Variants in PDE10A observed in about 807,000 individuals in gnomAD.
The protein encoded by PDE10A is phosphodiesterase 10A, also known as cAMP and cAMP-inhibited cGMP 3',5'-cyclic phosphodiesterase 10A.
In PDE10A, 39 loss-of-function variants were observed where a neutral mutation model predicts 97.7. That is an observed-to-expected ratio of 0.40 (90% CI 0.31 to 0.52). The LOEUF is 0.52. PDE10A is among the 20% of genes least tolerant of loss of function. The pLI is 0.56. For missense variants in PDE10A, 731 were observed against 1,047.8 expected (o/e 0.70, Z 4.17); for synonymous variants, 371 against 376.8 (o/e 0.98, Z 0.18).
chr6:165,777,190 G>A (rs990534378), intron 1 of PDE10A, among the ~76,000 whole-genome samples: 4 of 152,178 alleles, frequency 2.6e-5, no homozygotes, highest in African/African-American at 9.7e-5. Flanking sequence ...GAGTAGCTGG[G>A]AAGAGGAGAT....
chr6:165,371,279 A>C (rs895607335), intron 18 of PDE10A, among the ~76,000 whole-genome samples: 1 of 152,280 alleles, frequency 6.6e-6, no homozygotes, highest in African/African-American at 2.4e-5. Flanking sequence ...CAAAAAATTA[A>C]TGAATCCAGG....
intron 1 of PDE10A, among the ~76,000 whole-genome samples, chr6:165,653,872 G>A (rs528280074): frequency 1.3e-5 from 2 of 152,158 alleles, no homozygotes; most frequent in East Asian, 1.9e-4. Flanking sequence ...AGCTTTCTCC[G>A]TCCCTTCTCC....
chr6:165,568,160 G>A (rs1583557508), intron 1 of PDE10A, among the ~76,000 whole-genome samples: 1 of 151,966 alleles, frequency 6.6e-6, no homozygotes, highest in Non-Finnish European at 1.5e-5. Flanking sequence ...CACCACGCCT[G>A]GCTAATTTTT....
At chr6:165,760,071 T>C (rs1793214280) in intron 1 of PDE10A, among the ~76,000 whole-genome samples, 1 of 152,138 alleles carries the variant, frequency 6.6e-6, no homozygotes, top group South Asian at 2.1e-4. Flanking sequence ...TACAAGAAAA[T>C]GGATAGAATT....
At chr6:165,376,350 T>C (rs1452768702) in intron 18 of PDE10A, among the ~76,000 whole-genome samples, 1 of 152,196 alleles carries the variant, frequency 6.6e-6, no homozygotes, top group Non-Finnish European at 1.5e-5. Flanking sequence ...AGGTGCTTCT[T>C]ATGAATGAGC....
intron 1 of PDE10A, among the ~76,000 whole-genome samples, chr6:165,634,752 A>G (rs1049529342): frequency 2.0e-5 from 3 of 152,194 alleles, no homozygotes; most frequent in Non-Finnish European, 4.4e-5. Flanking sequence ...ACAGAAAGAA[A>G]GTAACCACTT....
Position 165,813,350 on chromosome 6 carries a change from G to A in PDE10A, c.-615+174179C>T, listed in dbSNP as rs191905051. Among the ~76,000 whole-genome samples the A allele has an allele frequency of 2.4e-3, 325 of 136,216 alleles. 2 individuals carry two copies. Among genetic ancestry groups the A allele is most frequent in the African/African-American group, 8.1e-3 (304 of 37,740 alleles). The allele number at this position is 136,216 out of a possible 152,430, so 89.4% of individuals were successfully genotyped here. On this transcript the variant is annotated intron_variant, in intron 1 of 19. Transcript: ENST00000366882. ...CAGAGGGGAAAGACACATGAAACCC[G>A]GAAGGAGCATTTACTGAGAACCTCA...
intron 18 of PDE10A, among the ~76,000 whole-genome samples, chr6:165,375,256 G>A (rs1469884324): frequency 6.6e-6 from 1 of 152,150 alleles, no homozygotes; most frequent in African/African-American, 2.4e-5. Context: ...AGGACTCTTG[G>A]GCCAAACAGC....
At chr6:165,419,548 A>C (rs1284678425) in intron 10 of PDE10A, among the ~76,000 whole-genome samples, 2 of 152,198 alleles carry the variant, frequency 1.3e-5, no homozygotes, top group African/African-American at 2.4e-5. Flanking sequence ...CCCATGGCCC[A>C]TGCTTTTATA....
rs189736754 is a variant in PDE10A at position 165,566,255 on chromosome 6, T to C, written c.866-22687A>G. Among the ~76,000 whole-genome samples the C allele has an allele frequency of 4.3e-3, 661 of 152,252 alleles. 1 individual carries two copies. The highest frequency in any genetic ancestry group is 0.017 in the Middle Eastern group (5 of 294). On this transcript the variant is annotated intron_variant, in intron 1 of 21. Transcript: ENST00000539869. ...AATAAGAAAACAAACAACCTGATTA[T>C]TAAAAGTCCAAAACATTAACACATA...
chr6:165,773,848 T>C (rs1312291804), intron 1 of PDE10A, among the ~76,000 whole-genome samples: 2 of 152,084 alleles, frequency 1.3e-5, no homozygotes, highest in Non-Finnish European at 2.9e-5. Flanking sequence ...AGGGTGTCAT[T>C]TACAATGGTG....
At chr6:165,410,101 T>G (rs2128225666) in intron 13 of PDE10A, among the ~76,000 whole-genome samples, 1 of 152,270 alleles carries the variant, frequency 6.6e-6, no homozygotes, top group East Asian at 1.9e-4. Context: ...ACACATATTC[T>G]TACTCAAAAT....
rs1787537276 is a variant in PDE10A at position 165,612,394 on chromosome 6, T to G, written c.865+49553A>C. ...AAACACAGATTTTTTTTTTTTCTAT[T>G]GAGATGGAGTCTCACTCTGTCACCT... is the stretch of plus-strand genomic sequence containing the variant. On this transcript the variant is annotated intron_variant, in intron 1 of 21. Coordinates refer to ENST00000539869, the MANE Select transcript of PDE10A (RefSeq NM_001385079.1). 3.3e-5 allele frequency among the ~76,000 whole-genome samples: 5 copies of G among 152,066 alleles called. No homozygotes were observed. In the South Asian group the frequency reaches 1.0e-3, roughly 32 times the overall value.
At chr6:165,843,323 G>T (rs757367620) in intron 1 of PDE10A, among the ~76,000 whole-genome samples, 13 of 152,274 alleles carry the variant, frequency 8.5e-5, no homozygotes, top group Non-Finnish European at 1.6e-4. Context: ...TCCCAGAGCA[G>T]ACACACACAC....
chr6:165,330,070 T>TA lies in PDE10A; in HGVS notation c.*2954dup, dbSNP rs1781254446. 6.6e-6 allele frequency: 1 copy of TA among 152,196 alleles called. No individual in the cohort carries two copies. Among genetic ancestry groups the TA allele is most frequent in the African/African-American group, 2.4e-5 (1 of 41,448 alleles). The allele number at this position is 152,196 out of a possible 1,614,324, so 9.4% of individuals were successfully genotyped here. ...TTATGTTTCCAAGGACATTTTTAGC[T>TA]AAAAAACATATTCACTGTGTCCAAA... On this transcript the variant is annotated 3_prime_UTR_variant, in exon 22 of 22. Coordinates refer to ENST00000539869, the MANE Select transcript of PDE10A (RefSeq NM_001385079.1).
intron 1 of PDE10A, among the ~76,000 whole-genome samples, chr6:165,619,320 T>C (rs111210786): frequency 0.056 from 6,721 of 120,578 alleles, 226 homozygotes; most frequent in African/African-American, 0.12. Context: ...TAGTCTAGTG[T>C]GGTGTAGTGT....
chr6:165,744,412 T>C (rs190161562), intron 1 of PDE10A, among the ~76,000 whole-genome samples: 244 of 152,310 alleles, frequency 1.6e-3, no homozygotes, highest in African/African-American at 5.6e-3. Context: ...ATTATTTGTA[T>C]TATACCTTTC....
At chr6:165,871,064 TG>T (rs1781192713) in intron 1 of PDE10A, among the ~76,000 whole-genome samples, 1 of 152,206 alleles carries the variant, frequency 6.6e-6, no homozygotes, top group Non-Finnish European at 1.5e-5. Flanking sequence ...AATAATTTAT[TG>T]TATATTTCAA....
chr6:165,797,061 C>T (rs916930985), intron 1 of PDE10A, among the ~76,000 whole-genome samples: 2 of 152,200 alleles, frequency 1.3e-5, no homozygotes, highest in South Asian at 4.1e-4. Context: ...ACCCAAATAA[C>T]AGGTAAAAAG....
Sources: gnomAD v4.1 joint callset for allele counts (sites outside exome capture counted in the v4.1 genomes callset) on GRCh38, gnomAD v4.1.1 for gene constraint, MANE v1.5 for transcripts, NCBI Gene and HGNC (gene_info 2026-07-23, HGNC 2026-07-21) for gene names.